The following DCT variants were observed in gnomAD, a reference collection of about 807,000 sequenced individuals.
DCT encodes dopachrome tautomerase.
DCT carries 47 observed loss-of-function variants against 53.0 expected under a neutral mutation model. That is an observed-to-expected ratio of 0.89 (90% CI 0.70 to 1.13). The LOEUF is 1.13. Among genes scored for constraint, DCT ranks in the 50% most tolerant of loss-of-function variants. The probability of loss-of-function intolerance (pLI) is 0.00; values close to 1 mark genes in which losing one functional copy is unlikely to be tolerated. For missense variants in DCT, 669 were observed against 637.4 expected (o/e 1.05, Z -0.53); for synonymous variants, 244 against 237.0 (o/e 1.03, Z -0.27).
chr13:94,512,739 T>A, the DCT span, among the ~76,000 whole-genome samples: 34 of 152,018 alleles, frequency 2.2e-4, no homozygotes, highest in African/African-American at 8.2e-4. Flanking sequence ...CACACATATA[T>A]ACATACACAC....
intron 4 of DCT, among the ~76,000 whole-genome samples, chr13:94,464,188 C>T (rs9524502): frequency 0.14 from 21,404 of 152,144 alleles, 1,635 homozygotes; most frequent in South Asian, 0.2. Flanking sequence ...ATGTGGAAGA[C>T]GAAGTCCCTG....
the DCT span, among the ~76,000 whole-genome samples, chr13:94,520,003 C>G: frequency 6.6e-6 from 1 of 152,114 alleles, no homozygotes; most frequent in Non-Finnish European, 1.5e-5. Flanking sequence ...TCTCTGAGGT[C>G]AAGAAGGGTC....
rs1884189625 is a variant in DCT, at chr13:94,466,004, ATATATATATAT to A, written c.697-216_697-206del. ...TATATATATATATATATATATATAT[ATATATATATAT>A]ATATATATACTGTGTACAATGGAGT... On this transcript the variant is annotated intron_variant, in intron 3 of 7. Transcript: ENST00000377028. Among the ~76,000 whole-genome samples, 3 of 65,532 alleles carry A rather than the reference ATATATATATAT, an allele frequency of 4.6e-5. No homozygotes were observed. In the South Asian group the frequency reaches 1.7e-3, roughly 37 times the overall value. 43.0% of individuals were successfully genotyped at this position (65,532 alleles called of 152,430 possible). A position where few individuals can be genotyped will look rare whatever the true frequency, so the allele number is the denominator to read the frequency against.
chr13:94,517,846 A>T, the DCT span, among the ~76,000 whole-genome samples: 3 of 152,112 alleles, frequency 2.0e-5, no homozygotes, highest in Non-Finnish European at 2.9e-5. Context: ...AAAATTTTTT[A>T]AAGAATGCTG....
chr13:94,452,268 G>A (rs1883145750), intron 6 of DCT, among the ~76,000 whole-genome samples: 1 of 152,202 alleles, frequency 6.6e-6, no homozygotes, highest in Middle Eastern at 3.4e-3. Context: ...CCTGACCTCA[G>A]GTAACCCACC....
chr13:94,513,548 T>C, the DCT span, among the ~76,000 whole-genome samples: 2 of 152,176 alleles, frequency 1.3e-5, no homozygotes, highest in East Asian at 3.9e-4. Flanking sequence ...GCACTTACTA[T>C]GCCTCTGAGA....
At chr13:94,489,619 C>A in the DCT span, among the ~76,000 whole-genome samples, 1 of 152,150 alleles carries the variant, frequency 6.6e-6, no homozygotes, top group South Asian at 2.1e-4. Context: ...TATATTATTA[C>A]TTGTTTGAAA....
chr13:94,462,897 C>A (rs1883906055), intron 4 of DCT, among the ~76,000 whole-genome samples: 1 of 152,080 alleles, frequency 6.6e-6, no homozygotes. Context: ...GTTACGAAAA[C>A]CTTTTAGGCA....
chr13:94,440,809 T>C (rs944158665), intron 7 of DCT, among the ~76,000 whole-genome samples: 41 of 150,468 alleles, frequency 2.7e-4, no homozygotes, highest in Middle Eastern at 3.2e-3. Context: ...GCCTCCCGAG[T>C]AGCTGGGATT....
chr13:94,537,057 A>G, the DCT span, among the ~76,000 whole-genome samples: 4 of 152,208 alleles, frequency 2.6e-5, no homozygotes, highest in Non-Finnish European at 5.9e-5. Context: ...TTCTTTATAA[A>G]TTTCCCAGTG....
At chr13:94,512,016 A>G in the DCT span, among the ~76,000 whole-genome samples, 1 of 152,074 alleles carries the variant, frequency 6.6e-6, no homozygotes, top group Non-Finnish European at 1.5e-5. Flanking sequence ...AGTGCATGAT[A>G]CCACACCTGG....
the DCT span, among the ~76,000 whole-genome samples, chr13:94,509,557 A>G: frequency 6.6e-6 from 1 of 152,200 alleles, no homozygotes; most frequent in African/African-American, 2.4e-5. Flanking sequence ...CTTGCCAACC[A>G]TAATGGATAT....
chr13:94,445,583 C>A, intron 6 of DCT: 1 of 641,154 alleles, frequency 1.6e-6, no homozygotes, highest in Admixed American at 2.9e-5. Context: ...AAATTCCTGA[C>A]CCACAGAAAT....
chr13:94,497,434 C>G, the DCT span, among the ~76,000 whole-genome samples: 1 of 152,318 alleles, frequency 6.6e-6, no homozygotes, highest in South Asian at 2.1e-4. Context: ...CCCATGCAGT[C>G]TAAAATCCAA....
chr13:94,460,188 A>T lies in DCT; in HGVS notation c.1082T>A (p.Leu361Gln). The change falls in exon 6 of 8, where the codon CTG becomes CAG. Residue 361 changes from leucine (L) to glutamine (Q), a missense_variant. Coordinates refer to ENST00000377028, the MANE Select transcript of DCT (RefSeq NM_001922.5). ...LEGFDKADGTLDSQVMSLHNL... is the reference protein window; with the variant it reads ...LEGFDKADGTQDSQVMSLHNL... ...ATGAAGGCTCATCACTTGAGAATCCAGAGTCCCATCTGCTTTATCAAACCC... is the reference window on the plus strand; with the variant it reads ...ATGAAGGCTCATCACTTGAGAATCCTGAGTCCCATCTGCTTTATCAAACCC... 1 of 1,613,984 alleles carries T rather than the reference A, an allele frequency of 6.2e-7. No individual in the cohort carries two copies. The highest frequency in any genetic ancestry group is 8.5e-7 in the Non-Finnish European group (1 of 1,179,826).
At chr13:94,448,913 AT>A (rs201482585) in intron 6 of DCT, among the ~76,000 whole-genome samples, 12 of 151,548 alleles carry the variant, frequency 7.9e-5, no homozygotes, top group African/African-American at 1.5e-4. Context: ...CAAAAAAAAA[AT>A]AATAATAATA....
At chr13:94,461,542 A>G (rs1883787915) in intron 5 of DCT, among the ~76,000 whole-genome samples, 1 of 152,154 alleles carries the variant, frequency 6.6e-6, no homozygotes, top group South Asian at 2.1e-4. Context: ...TTTAAATGTT[A>G]AGTATTGTAA....
upstream of DCT, among the ~76,000 whole-genome samples, chr13:94,481,271 C>T (rs896072156): frequency 6.6e-6 from 1 of 152,224 alleles, no homozygotes; most frequent in Non-Finnish European, 1.5e-5. Context: ...CAGACAAAGT[C>T]ACATTCACAG....
chr13:94,518,172 A>AG, the DCT span, among the ~76,000 whole-genome samples: 1 of 151,694 alleles, frequency 6.6e-6, no homozygotes, highest in African/African-American at 2.4e-5. Flanking sequence ...GAAGGAAGGA[A>AG]GAAAGAAAGA....
Sources: allele counts gnomAD v4.1 joint callset (sites outside exome capture counted in the v4.1 genomes callset), GRCh38; gene constraint gnomAD v4.1.1; transcripts MANE v1.5; gene names NCBI Gene and HGNC (gene_info 2026-07-23, HGNC 2026-07-21).